NEK4: variants seen among roughly 807,000 people sequenced by gnomAD.
NEK4 encodes the protein NIMA related kinase 4, also known as serine/threonine-protein kinase Nek4.
A neutral mutation model predicts 98.4 loss-of-function variants in NEK4; 86 were observed. That is an observed-to-expected ratio of 0.87 (90% CI 0.73 to 1.05). The LOEUF (loss-of-function observed/expected upper bound fraction) is 1.05, where lower values mean the gene tolerates loss of function less well. Ranked by LOEUF, NEK4 falls within the 50% of genes least tolerant of loss-of-function variation. NEK4 has a pLI of 0.00. For missense variants in NEK4, 898 were observed against 950.3 expected (o/e 0.94, Z 0.72); for synonymous variants, 328 against 342.2 (o/e 0.96, Z 0.46).
intron 9 of NEK4, 116 bp from the exon 10 acceptor site, chr3:52,746,326 T>C (rs933461093): frequency 1.5e-5 from 14 of 951,648 alleles, no homozygotes; most frequent in Admixed American, 5.3e-5. Flanking sequence ...CTTCAAAACA[T>C]TGCATTTTTT....
chr3:52,740,301 C>T (rs1324697879), intron 13 of NEK4, among the ~76,000 whole-genome samples: 1 of 151,684 alleles, frequency 6.6e-6, no homozygotes, highest in Non-Finnish European at 1.5e-5. Flanking sequence ...AAATATCTTC[C>T]ATATGGCCAA....
Position 52,750,250 on chromosome 3 carries a change from G to T in NEK4, c.1369-421C>A, listed in dbSNP as rs942225715. 5.3e-4 allele frequency among the ~76,000 whole-genome samples: 81 copies of T among 152,030 alleles called. 1 individual carries two copies. The highest frequency in any genetic ancestry group is 3.2e-3 in the Middle Eastern group (1 of 316). On this transcript the variant is annotated intron_variant, in intron 7 of 15. Transcript: ENST00000233027. ...AATGTACATCAACTGATGAATGGAT[G>T]AATAAAATATATATAGGCTGGGTGT...
chr3:52,713,796 A>AG, intron 15 of NEK4, among the ~76,000 whole-genome samples: 1 of 3,580 alleles, frequency 2.8e-4, no homozygotes, highest in East Asian at 0.022. Flanking sequence ...CTCCCTCTCA[A>AG]AAAAAAAAAA....
At chr3:52,726,110 C>T (rs1306749316) in intron 15 of NEK4, among the ~76,000 whole-genome samples, 5 of 151,920 alleles carry the variant, frequency 3.3e-5, no homozygotes, top group East Asian at 1.9e-4. Flanking sequence ...AAAAAGGTTA[C>T]AAGAGACAAA....
intron 7 of NEK4, among the ~76,000 whole-genome samples, chr3:52,750,250 G>A (rs942225715): frequency 1.3e-5 from 2 of 152,030 alleles, no homozygotes; most frequent in East Asian, 3.9e-4. Context: ...ATGAATGGAT[G>A]AATAAAATAT....
In NEK4 at chr3:52,717,786, A is replaced by ATTCTTATTC. The variant is rs1171330153; in HGVS notation, c.2434-5918_2434-5917insGAATAAGAA. Among the ~76,000 whole-genome samples the ATTCTTATTC allele has an allele frequency of 3.9e-5, 6 of 151,954 alleles. No homozygotes were observed. In the East Asian group the frequency reaches 1.2e-3, roughly 29 times the overall value. Reference sequence around the variant, plus strand: ...TGAGTACCTCCACTTTAATTAAATTATTATTATTATTATTATTCTTTGAGA... The same window carrying ATTCTTATTC: ...TGAGTACCTCCACTTTAATTAAATTATTCTTATTCTTATTATTATTATTATTCTTTGAGA... On this transcript the variant is annotated intron_variant, in intron 15 of 15. Transcript: ENST00000233027.
chr3:52,749,512 A>G (rs1302013406), intron 8 of NEK4, among the ~76,000 whole-genome samples, 180 bp downstream of exon 8: 1 of 152,036 alleles, frequency 6.6e-6, no homozygotes, highest in East Asian at 1.9e-4. Context: ...TATTTCTCCA[A>G]AGGAGAAATA....
chr3:52,739,704 C>T (rs558020775), intron 13 of NEK4, 70 bp from the exon 14 acceptor site: 18 of 1,334,358 alleles, frequency 1.3e-5, no homozygotes, highest in African/African-American at 2.9e-5. Context: ...AAATTACGTG[C>T]AAAACGACCT....
intron 6 of NEK4, chr3:52,754,658 A>G (rs1313529517): frequency 1.5e-6 from 1 of 650,564 alleles, no homozygotes; most frequent in African/African-American, 1.8e-5. Flanking sequence ...GCTCAGTACA[A>G]TCTTTCAGTA....
At chr3:52,752,531 C>T (rs775565231) in intron 6 of NEK4, among the ~76,000 whole-genome samples, 195 bp from the exon 7 acceptor site, 1 of 152,112 alleles carries the variant, frequency 6.6e-6, no homozygotes, top group Non-Finnish European at 1.5e-5. Context: ...CCAATGTTTA[C>T]AGCAGCTTTA....
chr3:52,733,155 CT>C, intron 15 of NEK4: 1 of 190,114 alleles, frequency 5.3e-6, no homozygotes. Flanking sequence ...GTCTGCAAGT[CT>C]TACTAATCAT....
At chr3:52,759,448 A>G (rs967378259) in intron 6 of NEK4, among the ~76,000 whole-genome samples, 2 of 152,212 alleles carry the variant, frequency 1.3e-5, no homozygotes, top group African/African-American at 4.8e-5. Context: ...CAAAGAAGAC[A>G]TACAAATGGC....
In NEK4 at chr3:52,765,509, T is replaced by G. The variant is rs1374689157; in HGVS notation, c.666+378A>C. Among the ~76,000 whole-genome samples the G allele has an allele frequency of 2.0e-5, 3 of 152,192 alleles. No individual in the cohort carries two copies. The East Asian group carries it at 5.8e-4, about 29-fold the overall frequency. On this transcript the variant is annotated intron_variant, in intron 4 of 15. Transcript: ENST00000233027. The stretch of plus-strand genomic sequence containing the variant: ...CTTAACTAGTTACTGATTGTTGTGA[T>G]GATTATCAAAGGAACGACAAGTTCA...
At chr3:52,712,880 T>C (rs1301433229) in intron 15 of NEK4, among the ~76,000 whole-genome samples, 1 of 152,166 alleles carries the variant, frequency 6.6e-6, no homozygotes, top group African/African-American at 2.4e-5. Context: ...CAACCTCTTA[T>C]CTGTGTTCCT....
chr3:52,759,945 T>TA (rs1698297557), intron 6 of NEK4, among the ~76,000 whole-genome samples: 1 of 149,236 alleles, frequency 6.7e-6, no homozygotes, highest in Non-Finnish European at 1.5e-5. Flanking sequence ...GAAAATATGC[T>TA]ATGTGGAAGA....
chr3:52,742,951 G>A (rs2154104054), intron 12 of NEK4, among the ~76,000 whole-genome samples: 1 of 152,098 alleles, frequency 6.6e-6, no homozygotes, highest in Non-Finnish European at 1.5e-5. Flanking sequence ...CACCTTGCCA[G>A]GTAATTTTTT....
chr3:52,758,708 G>C (rs939464061), intron 6 of NEK4, among the ~76,000 whole-genome samples: 2 of 151,886 alleles, frequency 1.3e-5, no homozygotes, highest in African/African-American at 4.8e-5. Flanking sequence ...ATACAATGGA[G>C]AAAATACTTG....
At chr3:52,764,389 T>C (rs902235234) in intron 4 of NEK4, among the ~76,000 whole-genome samples, 5 of 151,686 alleles carry the variant, frequency 3.3e-5, no homozygotes, top group African/African-American at 7.3e-5. Flanking sequence ...CTCAGCACCT[T>C]GGGAGGCCGA....
At chr3:52,763,041 A>C (rs1002894735) in intron 5 of NEK4, among the ~76,000 whole-genome samples, 18 of 152,238 alleles carry the variant, frequency 1.2e-4, no homozygotes, top group Non-Finnish European at 1.8e-4. Flanking sequence ...TGAAACTGAG[A>C]GAATTCTATA....
Sources: allele counts gnomAD v4.1 joint callset (sites outside exome capture counted in the v4.1 genomes callset), GRCh38; gene constraint gnomAD v4.1.1; transcripts MANE v1.5; gene names NCBI Gene and HGNC (gene_info 2026-07-23, HGNC 2026-07-21).